The following BRINP1 variants were observed in gnomAD, a reference collection of about 807,000 sequenced individuals.
BRINP1 encodes the protein BMP/retinoic acid inducible neural specific 1.
Under a neutral mutation model 72.9 loss-of-function variants are expected in BRINP1, and 17 were observed. The ratio of observed to expected loss-of-function variants is 0.23; its 90% CI spans 0.16 to 0.35. BRINP1 has a LOEUF of 0.35. Among genes scored for constraint, BRINP1 ranks in the 10% least tolerant of loss-of-function variants. The pLI is 1.00. For synonymous variants in BRINP1, 418 were observed against 378.5 expected (o/e 1.10, Z -1.21); for missense variants, 850 against 1,001.6 (o/e 0.85, Z 2.04).
At chr9:119,246,842 T>TAC (rs1358787210) in intron 3 of BRINP1, among the ~76,000 whole-genome samples, 1 of 152,150 alleles carries the variant, frequency 6.6e-6, no homozygotes, top group Non-Finnish European at 1.5e-5. Context: ...AATAAATCTC[T>TAC]TTGCCTTCCT....
In BRINP1 at chr9:119,167,320, C is replaced by A; in HGVS notation, c.2050G>T (p.Gly684Cys). ...ACTGACGAAGAGGAATAGAACTGGCCGCCCTGTGTGTAGGACTGGTTGACC... is the reference window on the plus strand; with the variant it reads ...ACTGACGAAGAGGAATAGAACTGGCAGCCCTGTGTGTAGGACTGGTTGACC... ...QQVNQSYTQG[G>C]QFYSSSSVML... Residue 684 changes from glycine to cysteine, a missense_variant, in exon 8 of 8, where the codon GGC becomes TGC. By Grantham distance (159) the Gly-to-Cys change is radical (BLOSUM62 -3). Transcript: ENST00000265922. This position sits in a 1 kb window ranked among gnomAD's most constrained non-coding sequence, Gnocchi z 4.3. The A allele has an allele frequency of 6.2e-7, 1 of 1,614,094 alleles. No homozygotes were observed.
chr9:119,180,473 CTGTG>C (rs1564210895), intron 7 of BRINP1, among the ~76,000 whole-genome samples: 47 of 116,926 alleles, frequency 4.0e-4, no homozygotes, highest in Admixed American at 1.6e-3. Flanking sequence ...GTGACTCTCT[CTGTG>C]CATGTGTGTG....
intron 5 of BRINP1, among the ~76,000 whole-genome samples, chr9:119,224,778 C>G (rs1332442): frequency 0.42 from 64,268 of 151,796 alleles, 15,246 homozygotes; most frequent in East Asian, 0.66. Context: ...CCAAATGTGT[C>G]ATGTACCATG....
chr9:119,317,487 C>T lies in BRINP1; in HGVS notation c.-50-4082G>A, dbSNP rs571293636. Among the ~76,000 whole-genome samples the T allele has an allele frequency of 2.6e-5, 4 of 152,268 alleles. No individual in the cohort carries two copies. The South Asian group carries it at 8.3e-4, about 32-fold the overall frequency. On this transcript the variant is annotated intron_variant, in intron 1 of 7. Transcript: ENST00000265922. The stretch of plus-strand genomic sequence containing the variant: ...TGGATGAGCAAAGAAAGCAGTTTCT[C>T]AAGATGGAGTCTACTCTTGATGAAG...
intron 7 of BRINP1, among the ~76,000 whole-genome samples, chr9:119,169,711 C>T (rs1400825243): frequency 2.6e-5 from 4 of 152,240 alleles, no homozygotes; most frequent in Non-Finnish European, 5.9e-5. Flanking sequence ...GCAGTAACCT[C>T]TGCAGACTTA....
intron 7 of BRINP1, among the ~76,000 whole-genome samples, chr9:119,198,861 T>C (rs1361609179): frequency 1.3e-5 from 2 of 151,968 alleles, no homozygotes; most frequent in Admixed American, 6.6e-5. Context: ...TTAGTAGAGA[T>C]GGGGTTTCTC....
At chr9:119,285,280 G>C (rs575884343) in intron 2 of BRINP1, among the ~76,000 whole-genome samples, 7 of 152,130 alleles carry the variant, frequency 4.6e-5, no homozygotes, top group African/African-American at 1.7e-4. Context: ...AAAGACCATC[G>C]TGGTCTCAGA....
At chr9:119,271,296 G>T (rs568678733) in intron 2 of BRINP1, among the ~76,000 whole-genome samples, 9 of 147,284 alleles carry the variant, frequency 6.1e-5, no homozygotes, top group Admixed American at 4.8e-4. Flanking sequence ...TGGAAAGAGG[G>T]ACACTGGGCA....
chr9:119,331,180 G>A (rs148048459), intron 1 of BRINP1, among the ~76,000 whole-genome samples: 107 of 152,222 alleles, frequency 7.0e-4, no homozygotes, highest in Admixed American at 3.7e-3. Flanking sequence ...AGACCCCCAG[G>A]ACCAAGAAAG....
At chr9:119,338,287 T>A (rs2119019587) in intron 1 of BRINP1, among the ~76,000 whole-genome samples, 1 of 151,992 alleles carries the variant, frequency 6.6e-6, no homozygotes, top group African/African-American at 2.4e-5. Context: ...GCTTTTTTTT[T>A]TTTTTCTTTA....
At chr9:119,303,593 C>T (rs189384381) in intron 2 of BRINP1, among the ~76,000 whole-genome samples, 5 of 152,270 alleles carry the variant, frequency 3.3e-5, no homozygotes, top group Admixed American at 1.3e-4. Context: ...TATGGTGGCA[C>T]GTGTTCCTCA....
At chr9:119,355,942 C>T (rs866437193) in intron 1 of BRINP1, among the ~76,000 whole-genome samples, 1 of 151,370 alleles carries the variant, frequency 6.6e-6, no homozygotes, top group African/African-American at 2.4e-5. Flanking sequence ...TTTTTTTTTC[C>T]TCAAAAGCAT....
At chr9:119,172,502 CAA>C (rs1829427235) in intron 7 of BRINP1, among the ~76,000 whole-genome samples, 1 of 151,558 alleles carries the variant, frequency 6.6e-6, no homozygotes, top group South Asian at 2.1e-4. Flanking sequence ...GCTTACCAAC[CAA>C]AAAGAGTCCA....
At chr9:119,295,564 T>C (rs1044499536) in intron 2 of BRINP1, among the ~76,000 whole-genome samples, 1 of 152,200 alleles carries the variant, frequency 6.6e-6, no homozygotes, top group Non-Finnish European at 1.5e-5. Flanking sequence ...AAATATGGTA[T>C]TATAATCATA....
intron 5 of BRINP1, among the ~76,000 whole-genome samples, chr9:119,221,201 G>A (rs2048102206): frequency 6.6e-6 from 1 of 152,104 alleles, no homozygotes; most frequent in Non-Finnish European, 1.5e-5. Flanking sequence ...CCCAGCTGTT[G>A]TCTTGTACCA....
chr9:119,288,797 TG>T (rs1033829256), intron 2 of BRINP1, among the ~76,000 whole-genome samples: 2 of 151,800 alleles, frequency 1.3e-5, no homozygotes, highest in Admixed American at 6.6e-5. Context: ...TGTTTTGTTT[TG>T]TTTTTTTTTT....
chr9:119,258,337 T>C (rs780438240), intron 2 of BRINP1, among the ~76,000 whole-genome samples: 12 of 152,170 alleles, frequency 7.9e-5, no homozygotes, highest in Non-Finnish European at 1.3e-4. Flanking sequence ...CCAACTTTTA[T>C]ATAAATGGGC....
intron 2 of BRINP1, among the ~76,000 whole-genome samples, chr9:119,266,725 T>C (rs1403566433): frequency 1.3e-5 from 2 of 152,216 alleles, no homozygotes; most frequent in Non-Finnish European, 2.9e-5. Flanking sequence ...TGTTCTAGCT[T>C]CCACATGTAA....
chr9:119,358,936 TTAG>T (rs1831601443), intron 1 of BRINP1, among the ~76,000 whole-genome samples: 1 of 152,158 alleles, frequency 6.6e-6, no homozygotes, highest in African/African-American at 2.4e-5. Context: ...GGTGGGGAGG[TTAG>T]TAGAAATAAT....
Sources: gnomAD v4.1 joint callset for allele counts (sites outside exome capture counted in the v4.1 genomes callset) on GRCh38, gnomAD v4.1.1 for gene constraint, Gnocchi (gnomAD v3.1) non-coding constraint, MANE v1.5 for transcripts, NCBI Gene and HGNC (gene_info 2026-07-23, HGNC 2026-07-21) for gene names.